Variants in SULF2 observed in about 807,000 individuals in gnomAD.
SULF2 encodes sulfatase 2.
A neutral mutation model predicts 107.7 loss-of-function variants in SULF2; 52 were observed. The observed-to-expected ratio is 0.48, with a 90% CI of 0.39 to 0.61. SULF2 has a LOEUF of 0.61. Among genes scored for constraint, SULF2 ranks in the 20% least tolerant of loss-of-function variants. The probability of loss-of-function intolerance (pLI) is 0.00; values close to 1 mark genes in which losing one functional copy is unlikely to be tolerated. For missense variants in SULF2, 993 were observed against 1,177.3 expected (o/e 0.84, Z 2.29); for synonymous variants, 460 against 464.3 (o/e 0.99, Z 0.12).
intron 4 of SULF2, among the ~76,000 whole-genome samples, chr20:47,690,739 A>G (rs890969762): frequency 4.6e-5 from 7 of 152,032 alleles, no homozygotes; most frequent in African/African-American, 1.7e-4. Flanking sequence ...GCGTGGTGGT[A>G]AACACCTGTA....
chr20:47,689,044 C>T (rs1408207027), intron 5 of SULF2, among the ~76,000 whole-genome samples: 1 of 152,180 alleles, frequency 6.6e-6, no homozygotes, highest in Non-Finnish European at 1.5e-5. Flanking sequence ...GGATAGAGTA[C>T]TACAGGGGTG....
chr20:47,664,978 G>C (rs933198088), intron 14 of SULF2, among the ~76,000 whole-genome samples: 1 of 152,218 alleles, frequency 6.6e-6, no homozygotes, highest in Non-Finnish European at 1.5e-5. Flanking sequence ...CGGGTCTCTT[G>C]CTAGCAGTAC....
chr20:47,698,117 A>C (rs540857750), intron 4 of SULF2, among the ~76,000 whole-genome samples: 1 of 152,348 alleles, frequency 6.6e-6, no homozygotes, highest in East Asian at 1.9e-4. Context: ...ACTTACAGGG[A>C]GCCCAGGATG....
intron 1 of SULF2, among the ~76,000 whole-genome samples, chr20:47,758,966 A>G (rs1434238382): frequency 2.0e-5 from 3 of 152,104 alleles, no homozygotes; most frequent in Non-Finnish European, 4.4e-5. Context: ...TGCCTGCTTC[A>G]TCTCTCCTGG....
At chr20:47,700,932 C>T (rs967620192) in intron 4 of SULF2, among the ~76,000 whole-genome samples, 129 of 152,214 alleles carry the variant, frequency 8.5e-4, no homozygotes, top group African/African-American at 2.8e-3. Context: ...AGGTGTGAGC[C>T]ACTGCGCCTG....
At chr20:47,690,376 T>C in intron 4 of SULF2, 81 bp from the exon 5 acceptor site, 5 of 1,151,584 alleles carry the variant, frequency 4.3e-6, no homozygotes, top group Non-Finnish European at 5.7e-6. Flanking sequence ...GGCACCCTGC[T>C]AGGCACTGGG....
At chr20:47,708,224 C>T (rs969531675) in intron 3 of SULF2, among the ~76,000 whole-genome samples, 8 of 152,188 alleles carry the variant, frequency 5.3e-5, no homozygotes, top group Admixed American at 2.0e-4. Context: ...AGTGGCCCCA[C>T]GCAGTGCTGT....
At chr20:47,704,823 G>C (rs1610375) in intron 3 of SULF2, among the ~76,000 whole-genome samples, 83,569 of 152,054 alleles carry the variant, frequency 0.55, 23,769 homozygotes, top group African/African-American at 0.69. Context: ...TGGCCGAGAA[G>C]CCAGGATGAA....
At chr20:47,785,908 G>C (rs558162832), upstream of SULF2, 1 of 153,032 alleles carries the variant, frequency 6.5e-6, no homozygotes, top group South Asian at 1.8e-4. Context: ...CCCCGGCCCC[G>C]AAGTCCAGCT....
chr20:47,735,343 A>G (rs907532837), intron 3 of SULF2, among the ~76,000 whole-genome samples: 11 of 152,248 alleles, frequency 7.2e-5, no homozygotes, highest in Non-Finnish European at 1.5e-4. Flanking sequence ...CATTAAAGAA[A>G]AAATAAGCTG....
chr20:47,724,861 T>C (rs2089396060), intron 3 of SULF2, among the ~76,000 whole-genome samples: 4 of 152,234 alleles, frequency 2.6e-5, no homozygotes. Flanking sequence ...ACCTCCCATT[T>C]CTATGACAAA....
At chr20:47,733,885 T>C (rs899727635) in intron 3 of SULF2, among the ~76,000 whole-genome samples, 2 of 152,236 alleles carry the variant, frequency 1.3e-5, no homozygotes, top group African/African-American at 4.8e-5. Flanking sequence ...TATTATGAAA[T>C]GTTGGTCCAC....
At chr20:47,683,220 C>G in intron 6 of SULF2, 51 bp from the exon 7 acceptor site, 1 of 1,511,854 alleles carries the variant, frequency 6.6e-7, no homozygotes, top group Non-Finnish European at 8.9e-7. Context: ...GTGCCTGGCC[C>G]GTCTCCGACC....
At chr20:47,724,653 C>T (rs187732643) in intron 3 of SULF2, among the ~76,000 whole-genome samples, 2 of 152,324 alleles carry the variant, frequency 1.3e-5, no homozygotes, top group Admixed American at 1.3e-4. Flanking sequence ...ACCACGAGGA[C>T]AAGCTGTGTC....
intron 5 of SULF2, among the ~76,000 whole-genome samples, chr20:47,687,204 A>T (rs2088036177): frequency 6.6e-6 from 1 of 151,956 alleles, no homozygotes; most frequent in African/African-American, 2.4e-5. Context: ...CGGCTCGGAG[A>T]GAGCGCTTTT....
At chr20:47,682,451 CGCA>C (rs2087855180) in intron 7 of SULF2, among the ~76,000 whole-genome samples, 1 of 152,226 alleles carries the variant, frequency 6.6e-6, no homozygotes, top group South Asian at 2.1e-4. Context: ...CTGCCCCAGA[CGCA>C]GCATGTTCGC....
At chr20:47,764,711 T>A (rs1022824455) in intron 1 of SULF2, among the ~76,000 whole-genome samples, 5 of 152,160 alleles carry the variant, frequency 3.3e-5, no homozygotes, top group East Asian at 1.9e-4. Flanking sequence ...AGTTGCATCT[T>A]GTAGCCAGGT....
intron 20 of SULF2, among the ~76,000 whole-genome samples, chr20:47,658,892 C>T (rs541353969): frequency 4.6e-5 from 7 of 152,284 alleles, no homozygotes; most frequent in South Asian, 2.1e-4. Context: ...GAAAATCTGG[C>T]GAACCTCAGC....
chr20:47,678,447 A>G lies in SULF2; in HGVS notation c.1193+229T>C. The G allele has an allele frequency of 1.8e-6, 1 of 568,774 alleles. No homozygotes were observed. The highest frequency in any genetic ancestry group is 2.9e-5 in the East Asian group (1 of 34,174). 35.2% of individuals were successfully genotyped at this position (568,774 alleles called of 1,614,324 possible). A position where few individuals can be genotyped will look rare whatever the true frequency, so the allele number is the denominator to read the frequency against. ...CAAGCTTTGGGTAATTTTAGCTCAG[A>G]GAAGGTCCCCAACTGGTCACCTTGG... On this transcript the variant is annotated intron_variant, in intron 8 of 20. Coordinates refer to ENST00000688720, the MANE Select transcript of SULF2 (RefSeq NM_001387048.1). This position sits in a 1 kb window ranked among gnomAD's most constrained non-coding sequence, Gnocchi z 4.5.
Sources: gnomAD v4.1 joint callset for allele counts (sites outside exome capture counted in the v4.1 genomes callset) on GRCh38, gnomAD v4.1.1 for gene constraint, Gnocchi (gnomAD v3.1) non-coding constraint, MANE v1.5 for transcripts, NCBI Gene and HGNC (gene_info 2026-07-23, HGNC 2026-07-21) for gene names.